POFUT2: variants seen among roughly 807,000 people sequenced by gnomAD.
POFUT2 encodes protein O-fucosyltransferase 2.
In POFUT2, 30 loss-of-function variants were observed where a neutral mutation model predicts 55.0. The observed-to-expected ratio is 0.55, with a 90% CI of 0.41 to 0.74. The LOEUF is 0.74. POFUT2 is among the 30% of genes least tolerant of loss of function. The probability of loss-of-function intolerance (pLI) is 0.00; values close to 1 mark genes in which losing one functional copy is unlikely to be tolerated. For missense variants in POFUT2, 524 were observed against 562.6 expected (o/e 0.93, Z 0.69); for synonymous variants, 267 against 231.1 (o/e 1.16, Z -1.41).
At chr21:45,271,248 C>T (rs568600410) in intron 6 of POFUT2, among the ~76,000 whole-genome samples, 23 of 151,680 alleles carry the variant, frequency 1.5e-4, no homozygotes, top group East Asian at 1.2e-3. Flanking sequence ...CTTAAAGAAA[C>T]GAAATACACT....
intron 6 of POFUT2, among the ~76,000 whole-genome samples, chr21:45,276,061 C>T (rs566873867): frequency 2.0e-5 from 3 of 152,112 alleles, no homozygotes; most frequent in East Asian, 3.9e-4. Context: ...CGGTGGCACG[C>T]GCCTGTGATC....
Position 45,267,494 on chromosome 21 carries a change from C to A in POFUT2, c.1136+96G>T, listed in dbSNP as rs769310001. ...AGTATGGAAATGACCACTGTGAACA[C>A]AGGCGACCATCTGCTCTGACACCGA... On this transcript the variant is annotated intron_variant, in intron 8 of 8. Coordinates refer to ENST00000349485, the MANE Select transcript of POFUT2 (RefSeq NM_133635.6). The surrounding 1 kb of genome is among the most constrained non-coding windows in gnomAD (Gnocchi z 4.4). 6.2e-7 allele frequency: 1 copy of A among 1,614,064 alleles called. No homozygotes were observed. Among genetic ancestry groups the A allele is most frequent in the African/African-American group, 1.3e-5 (1 of 74,938 alleles).
chr21:45,270,370 C>G lies in POFUT2; in HGVS notation c.832-351G>C, dbSNP rs2093208210. 1.3e-5 allele frequency among the ~76,000 whole-genome samples: 2 copies of G among 152,120 alleles called. No homozygotes were observed. Among genetic ancestry groups the G allele is most frequent in the African/African-American group, 4.8e-5 (2 of 41,416 alleles). ...CGGATCCTGTGGACAAAGCAGCTCACAGCTGCAAACTCCCCGGGAGCCAGA... is the reference window on the plus strand; with the variant it reads ...CGGATCCTGTGGACAAAGCAGCTCAGAGCTGCAAACTCCCCGGGAGCCAGA... On this transcript the variant is annotated intron_variant, in intron 6 of 8. Coordinates refer to ENST00000349485, the MANE Select transcript of POFUT2 (RefSeq NM_133635.6). The surrounding 1 kb of genome is among the most constrained non-coding windows in gnomAD (Gnocchi z 4.6).
Position 45,285,891 on chromosome 21 carries a change from T to A in POFUT2, c.169A>T (p.Asn57Tyr), listed in dbSNP as rs1466598557. 4 of 1,612,262 alleles carry A rather than the reference T, an allele frequency of 2.5e-6. No individual in the cohort carries two copies. The highest frequency in any genetic ancestry group is 3.4e-6 in the Non-Finnish European group (4 of 1,179,524). ...CGGATATAGACATCCCTGCGCAGGT[T>A]GAAGCCTTCCGGGGGGTTGACGTCA... ...LYDVNPPEGF[N>Y]LRRDVYIRIA... is the part of the protein sequence containing the mutation. Residue 57 changes from asparagine (N) to tyrosine (Y), a missense_variant, in exon 2 of 9, where the codon AAC becomes TAC. Around this residue, in one of 2 missense-constraint regions of POFUT2, gnomAD observed 274 missense variants for 244.4 expected, o/e 1.12. Coordinates refer to ENST00000349485, the MANE Select transcript of POFUT2 (RefSeq NM_133635.6). The surrounding 1 kb of genome is among the most constrained non-coding windows in gnomAD (Gnocchi z 4.9).
chr21:45,268,312 T>C (rs2093176790), intron 7 of POFUT2, among the ~76,000 whole-genome samples: 1 of 152,230 alleles, frequency 6.6e-6, no homozygotes, highest in Non-Finnish European at 1.5e-5. Context: ...TGGAGTGCAG[T>C]GGCGTGATCT....
rs1463970806 is a variant in POFUT2, at chr21:45,265,783, C to T, written c.1137-148G>A. 1.1e-5 allele frequency: 16 copies of T among 1,431,898 alleles called. No homozygotes were observed. In the South Asian group the frequency reaches 1.6e-4, roughly 15 times the overall value. The allele number at this position is 1,431,898 out of a possible 1,614,324, so 88.7% of individuals were successfully genotyped here. On this transcript the variant is annotated intron_variant, in intron 8 of 8. Coordinates refer to ENST00000349485, the MANE Select transcript of POFUT2 (RefSeq NM_133635.6). The surrounding 1 kb of genome is among the most constrained non-coding windows in gnomAD (Gnocchi z 4.6). ...GGCCGTCCCCCGAGCACCCACCAGCCGGCCGCCCCCTTGCTGGCACCCCTC... is the reference window on the plus strand; with the variant it reads ...GGCCGTCCCCCGAGCACCCACCAGCTGGCCGCCCCCTTGCTGGCACCCCTC...
In POFUT2 at chr21:45,265,193, G is replaced by C. The variant is rs1257841736; in HGVS notation, c.*289C>G. 9.8e-6 allele frequency: 3 copies of C among 305,232 alleles called. No individual in the cohort carries two copies. The highest frequency in any genetic ancestry group is 1.8e-5 in the Non-Finnish European group (3 of 165,422). 18.9% of individuals were successfully genotyped at this position (305,232 alleles called of 1,614,324 possible). On this transcript the variant is annotated 3_prime_UTR_variant, in exon 9 of 9. Coordinates refer to ENST00000349485, the MANE Select transcript of POFUT2 (RefSeq NM_133635.6). The surrounding 1 kb of genome is among the most constrained non-coding windows in gnomAD (Gnocchi z 4.6). Reference sequence around the variant, plus strand: ...AGCCTGACAAACACTCCTGCTTCTGGGTCACCACGCGGGCACTGCTGGCAA... The same window carrying C: ...AGCCTGACAAACACTCCTGCTTCTGCGTCACCACGCGGGCACTGCTGGCAA...
chr21:45,270,141 G>T lies in POFUT2; in HGVS notation c.832-122C>A. 1 of 626,782 alleles carries T rather than the reference G, an allele frequency of 1.6e-6. No individual in the cohort carries two copies. The highest frequency in any genetic ancestry group is 2.4e-6 in the Non-Finnish European group (1 of 408,396). The allele number at this position is 626,782 out of a possible 1,614,324, so 38.8% of individuals were successfully genotyped here. A position where few individuals can be genotyped will look rare whatever the true frequency, so the allele number is the denominator to read the frequency against. Reference sequence around the variant, plus strand: ...TTCCATGTGGCCTCCTCCACGGGGTGGCTCCAGGGCTGTCTAAGGGATTCA... The same window carrying T: ...TTCCATGTGGCCTCCTCCACGGGGTTGCTCCAGGGCTGTCTAAGGGATTCA... On this transcript the variant is annotated intron_variant, in intron 6 of 8. Coordinates refer to ENST00000349485, the MANE Select transcript of POFUT2 (RefSeq NM_133635.6). The surrounding 1 kb of genome is among the most constrained non-coding windows in gnomAD (Gnocchi z 4.6).
Position 45,285,820 on chromosome 21 carries a change from C to A in POFUT2, c.240G>T (p.Val80=), listed in dbSNP as rs917169877. ...GGCGGCCCCATGGAGGCAGGACAAG[C>A]ACCCACTCCTCCGTCTTCAGCAGAG... ...LKTLLKTEEW[V]LVLPPWGRLY... is the part of the protein sequence containing the mutation. The change falls in exon 2 of 9, where the codon GTG becomes GTT. Residue 80 remains valine, a synonymous_variant. Transcript: ENST00000349485. The surrounding 1 kb of genome is among the most constrained non-coding windows in gnomAD (Gnocchi z 4.9). The A allele has an allele frequency of 4.3e-6, 7 of 1,613,542 alleles. No homozygotes were observed. Among genetic ancestry groups the A allele is most frequent in the Non-Finnish European group, 5.9e-6 (7 of 1,179,988 alleles).
chr21:45,285,829 C>T lies in POFUT2; in HGVS notation c.231G>A (p.Glu77=). 6.2e-7 allele frequency: 1 copy of T among 1,613,552 alleles called. No homozygotes were observed. The highest frequency in any genetic ancestry group is 1.7e-5 in the Admixed American group (1 of 60,030). ...ATGGAGGCAGGACAAGCACCCACTCCTCCGTCTTCAGCAGAGTCTTCAGGA... is the reference window on the plus strand; with the variant it reads ...ATGGAGGCAGGACAAGCACCCACTCTTCCGTCTTCAGCAGAGTCTTCAGGA... ...ASLLKTLLKT[E]EWVLVLPPWG... is the part of the protein sequence containing the mutation. The change falls in exon 2 of 9, where the codon GAG becomes GAA. Residue 77 remains glutamate (E), a synonymous_variant. Coordinates refer to ENST00000349485, the MANE Select transcript of POFUT2 (RefSeq NM_133635.6). This position sits in a 1 kb window ranked among gnomAD's most constrained non-coding sequence, Gnocchi z 4.9.
intron 2 of POFUT2, 65 bp from the exon 3 acceptor site, chr21:45,283,592 TCA>T: frequency 6.5e-7 from 1 of 1,545,424 alleles, no homozygotes; most frequent in Admixed American, 1.7e-5. Flanking sequence ...CGGGCATGCA[TCA>T]GTCACCAGCA....
rs970859101 is a variant in POFUT2 at position 45,266,582 on chromosome 21, G to A, written c.1137-947C>T. The stretch of plus-strand genomic sequence containing the variant: ...ACACCTGAGAAGCAGGGGTGAGTTC[G>A]TAACTGGGCTCCTGCACACCTCCGC... On this transcript the variant is annotated intron_variant, in intron 8 of 8. Transcript: ENST00000349485. 20 of 1,055,102 alleles carry A rather than the reference G, an allele frequency of 1.9e-5. No individual in the cohort carries two copies. The South Asian group carries it at 2.0e-4, about 11-fold the overall frequency. 65.4% of individuals were successfully genotyped at this position (1,055,102 alleles called of 1,614,324 possible).
chr21:45,270,149 G>A lies in POFUT2; in HGVS notation c.832-130C>T, dbSNP rs2093206319. On this transcript the variant is annotated intron_variant, in intron 6 of 8. Coordinates refer to ENST00000349485, the MANE Select transcript of POFUT2 (RefSeq NM_133635.6). The surrounding 1 kb of genome is among the most constrained non-coding windows in gnomAD (Gnocchi z 4.6). Reference sequence around the variant, plus strand: ...GGCCTCCTCCACGGGGTGGCTCCAGGGCTGTCTAAGGGATTCAGGTGGAAT... The same window carrying A: ...GGCCTCCTCCACGGGGTGGCTCCAGAGCTGTCTAAGGGATTCAGGTGGAAT... The A allele has an allele frequency of 5.7e-5, 32 of 557,912 alleles. No individual in the cohort carries two copies. In the South Asian group the frequency reaches 1.2e-3, roughly 21 times the overall value. The allele number at this position is 557,912 out of a possible 1,614,324, so 34.6% of individuals were successfully genotyped here. A position where few individuals can be genotyped will look rare whatever the true frequency, so the allele number is the denominator to read the frequency against.
rs1602226595 is a variant in POFUT2, at chr21:45,283,325, A to C, written c.527+58T>G. On this transcript the variant is annotated intron_variant, in intron 3 of 8. Transcript: ENST00000349485. ...GCCTGAGGCGGGGGGGGGGGGACGC[A>C]TGCGGCAGGGGGAGGTGGGGGGGCA... 5.6e-5 allele frequency: 38 copies of C among 673,864 alleles called. No homozygotes were observed. In the East Asian group the frequency reaches 7.1e-4, roughly 13 times the overall value. The allele number at this position is 673,864 out of a possible 1,614,324, so 41.7% of individuals were successfully genotyped here. A position where few individuals can be genotyped will look rare whatever the true frequency, so the allele number is the denominator to read the frequency against.
chr21:45,283,539 C>T lies in POFUT2; in HGVS notation c.383-12G>A. ...GGGCCCACCAGATTCTGAAAGACAC[C>T]AAGAAAAGCCAGGCAGTGTGACAGC... On this transcript the variant is annotated splice_polypyrimidine_tract_variant and intron_variant, in intron 2 of 8. Transcript: ENST00000349485. The T allele has an allele frequency of 6.2e-7, 1 of 1,612,932 alleles. No individual in the cohort carries two copies. Among genetic ancestry groups the T allele is most frequent in the Non-Finnish European group, 8.5e-7 (1 of 1,179,448 alleles).
chr21:45,285,956 T>C lies in POFUT2; in HGVS notation c.132-28A>G. On this transcript the variant is annotated intron_variant, in intron 1 of 8. Transcript: ENST00000349485. The surrounding 1 kb of genome is among the most constrained non-coding windows in gnomAD (Gnocchi z 4.9). ...GAGCAGGGAGAAGGAGGACCACAGG[T>C]CTCAAATGCTGAGGTTTCTGCACGG... 1 of 1,575,804 alleles carries C rather than the reference T, an allele frequency of 6.3e-7. No individual in the cohort carries two copies. Among genetic ancestry groups the C allele is most frequent in the Non-Finnish European group, 8.6e-7 (1 of 1,161,190 alleles).
intron 8 of POFUT2, chr21:45,266,669 G>A: frequency 1.0e-6 from 1 of 1,000,932 alleles, no homozygotes; most frequent in South Asian, 4.3e-5. Flanking sequence ...CCCACACCCA[G>A]CAGACAGCAT....
rs1025524073 is a variant in POFUT2 at position 45,284,349 on chromosome 21, G to A, written c.383-822C>T. Among the ~76,000 whole-genome samples the A allele has an allele frequency of 6.6e-5, 10 of 152,332 alleles. 1 individual carries two copies. Among genetic ancestry groups the A allele is most frequent in the Middle Eastern group, 6.8e-3 (2 of 294 alleles). The stretch of plus-strand genomic sequence containing the variant: ...CCTAAGGGCCTGAGGCCACAGCTGC[G>A]GGGGCTTCTTTTAGGCTAGTGGGAG... On this transcript the variant is annotated intron_variant, in intron 2 of 8. Coordinates refer to ENST00000349485, the MANE Select transcript of POFUT2 (RefSeq NM_133635.6). The surrounding 1 kb of genome is among the most constrained non-coding windows in gnomAD (Gnocchi z 5.8).
chr21:45,272,686 A>G (rs1259215927), intron 6 of POFUT2, among the ~76,000 whole-genome samples: 1 of 152,208 alleles, frequency 6.6e-6, no homozygotes, highest in South Asian at 2.1e-4. Flanking sequence ...TAAGAAAATC[A>G]AAATTATGTC....
Sources: gnomAD v4.1 joint callset for allele counts (sites outside exome capture counted in the v4.1 genomes callset) on GRCh38, gnomAD v4.1.1 for gene constraint, gnomAD v4.1.1 regional missense constraint, Gnocchi (gnomAD v3.1) non-coding constraint, MANE v1.5 for transcripts, NCBI Gene and HGNC (gene_info 2026-07-23, HGNC 2026-07-21) for gene names.